Variants in OTUD7A observed in about 807,000 individuals in gnomAD.
The protein encoded by OTUD7A is OTU deubiquitinase 7A, also known as OTU domain-containing protein 7A.
In OTUD7A, 12 loss-of-function variants were observed where a neutral mutation model predicts 65.7. The observed-to-expected ratio is 0.18, with a 90% CI of 0.12 to 0.30. The LOEUF (loss-of-function observed/expected upper bound fraction) is 0.30, where lower values mean the gene tolerates loss of function less well. Among genes scored for constraint, OTUD7A ranks in the 10% least tolerant of loss-of-function variants. The pLI is 1.00. For missense variants in OTUD7A, 1,148 were observed against 1,304.8 expected, an observed-to-expected ratio of 0.88 and a Z score of 1.85; for synonymous variants, 641 against 586.3, an observed-to-expected ratio of 1.09 and a Z score of -1.35.
At chr15:31,560,230 C>A (rs1046526980) in intron 4 of OTUD7A, among the ~76,000 whole-genome samples, 2 of 152,224 alleles carry the variant, frequency 1.3e-5, no homozygotes, top group Non-Finnish European at 2.9e-5. Flanking sequence ...ACTAAAGTTA[C>A]GCTGATAAAT....
chr15:31,733,579 T>C (rs74012584), intron 1 of OTUD7A, among the ~76,000 whole-genome samples: 11,344 of 152,284 alleles, frequency 0.074, 1,017 homozygotes, highest in African/African-American at 0.22. Context: ...ATCCCGAGCA[T>C]GCCCGTGGCT....
rs917694347 is a variant in OTUD7A, at chr15:31,795,456, G to A, written c.-100+75051C>T. ...GAGTGGGTTTCTGAAACTCCAAAGAGGTCTGAGTTGAGAGAGAATTGGAGT... is the reference window on the plus strand; with the variant it reads ...GAGTGGGTTTCTGAAACTCCAAAGAAGTCTGAGTTGAGAGAGAATTGGAGT... On this transcript the variant is annotated intron_variant, in intron 1 of 12. Coordinates refer to ENST00000307050, the MANE Select transcript of OTUD7A (RefSeq NM_001382637.1). Among the ~76,000 whole-genome samples, 5 of 152,320 alleles carry A rather than the reference G, an allele frequency of 3.3e-5. No homozygotes were observed. In the East Asian group the frequency reaches 7.7e-4, roughly 23 times the overall value.
In OTUD7A at chr15:31,479,704, G is replaced by C. The variant is rs1015301557; in HGVS notation, c.*3590C>G. ...GGCCCATGACCCCTCCCCAGAGACA[G>C]GGCGGGCTCTGCATGGAGGATGTCC... On this transcript the variant is annotated 3_prime_UTR_variant, in exon 13 of 13. Transcript: ENST00000307050. The C allele has an allele frequency of 6.6e-6, 1 of 151,158 alleles. No individual in the cohort carries two copies. Among genetic ancestry groups the C allele is most frequent in the Admixed American group, 6.6e-5 (1 of 15,094 alleles). 9.4% of individuals were successfully genotyped at this position (151,158 alleles called of 1,614,324 possible). A position where few individuals can be genotyped will look rare whatever the true frequency, so the allele number is the denominator to read the frequency against.
chr15:31,563,382 C>T (rs1888757790), intron 4 of OTUD7A, among the ~76,000 whole-genome samples: 2 of 152,210 alleles, frequency 1.3e-5, no homozygotes, highest in South Asian at 4.1e-4. Context: ...GGTCTAATGG[C>T]AGAAATGAAA....
intron 1 of OTUD7A, among the ~76,000 whole-genome samples, chr15:31,716,751 C>T (rs1424226224): frequency 6.7e-5 from 10 of 150,116 alleles, no homozygotes; most frequent in African/African-American, 2.4e-4. Flanking sequence ...GGGCTAGGTA[C>T]CTGGACTACA....
chr15:31,550,848 T>C (rs1318008794), intron 5 of OTUD7A, among the ~76,000 whole-genome samples: 1 of 152,170 alleles, frequency 6.6e-6, no homozygotes, highest in African/African-American at 2.4e-5. Context: ...CTGGGAGTGT[T>C]CAGCAGGTGT....
intron 3 of OTUD7A, among the ~76,000 whole-genome samples, chr15:31,611,161 A>G (rs1890408299): frequency 6.6e-6 from 1 of 152,068 alleles, no homozygotes; most frequent in Non-Finnish European, 1.5e-5. Context: ...AGGAGGTGCT[A>G]AGAGGAAACT....
At chr15:31,641,598 G>T (rs1295054351) in intron 3 of OTUD7A, among the ~76,000 whole-genome samples, 1 of 151,856 alleles carries the variant, frequency 6.6e-6, no homozygotes, top group African/African-American at 2.4e-5. Context: ...CTTTATTTAG[G>T]TTTTTCATCT....
intron 8 of OTUD7A, among the ~76,000 whole-genome samples, chr15:31,509,358 A>G (rs1224972602): frequency 6.6e-6 from 1 of 152,074 alleles, no homozygotes; most frequent in East Asian, 1.9e-4. Flanking sequence ...AGCTCACCGC[A>G]AATTCCACCT....
At chr15:31,587,243 T>C (rs1311142661) in intron 3 of OTUD7A, among the ~76,000 whole-genome samples, 1 of 152,170 alleles carries the variant, frequency 6.6e-6, no homozygotes, top group Non-Finnish European at 1.5e-5. Context: ...CTGCATCTCT[T>C]GCTTGGATTA....
chr15:31,540,130 A>T (rs532015955), intron 5 of OTUD7A, among the ~76,000 whole-genome samples: 4 of 152,172 alleles, frequency 2.6e-5, no homozygotes, highest in African/African-American at 7.2e-5. Flanking sequence ...TATAATTTTC[A>T]ATTTTTTTGA....
At chr15:31,659,439 G>A (rs986901573) in intron 1 of OTUD7A, among the ~76,000 whole-genome samples, 4 of 152,198 alleles carry the variant, frequency 2.6e-5, no homozygotes, top group Non-Finnish European at 5.9e-5. Flanking sequence ...AAGGTGAGGC[G>A]AGGAGGCACC....
chr15:31,487,798 T>C lies in OTUD7A; in HGVS notation c.1172-232A>G, dbSNP rs1412002312. ...AGCGTCACCTGGACCCTGGCTCTCT[T>C]TGGGTCTGTCCAATGGCAGATACTC... On this transcript the variant is annotated intron_variant, in intron 10 of 12. Transcript: ENST00000307050. This position sits in a 1 kb window ranked among gnomAD's most constrained non-coding sequence, Gnocchi z 6.0. Among the ~76,000 whole-genome samples the C allele has an allele frequency of 1.3e-5, 2 of 152,166 alleles. No individual in the cohort carries two copies. Among genetic ancestry groups the C allele is most frequent in the Admixed American group, 6.5e-5 (1 of 15,290 alleles).
intron 1 of OTUD7A, among the ~76,000 whole-genome samples, chr15:31,668,611 A>T (rs959466217): frequency 2.0e-5 from 3 of 152,016 alleles, no homozygotes; most frequent in Non-Finnish European, 2.9e-5. Flanking sequence ...TGCCTCCCTG[A>T]TTAGCTTAAT....
At chr15:31,516,281 C>A (rs1258622669) in intron 8 of OTUD7A, among the ~76,000 whole-genome samples, 2 of 152,182 alleles carry the variant, frequency 1.3e-5, no homozygotes, top group Non-Finnish European at 2.9e-5. Context: ...GATAGGATGG[C>A]GGGCCCAGTT....
chr15:31,634,054 A>T (rs1002793688), intron 3 of OTUD7A, among the ~76,000 whole-genome samples: 45 of 152,214 alleles, frequency 3.0e-4, no homozygotes, highest in African/African-American at 1.0e-3. Context: ...TAAATACACC[A>T]GACACAGACA....
intron 3 of OTUD7A, among the ~76,000 whole-genome samples, chr15:31,593,707 G>A (rs565613012): frequency 1.3e-5 from 2 of 152,032 alleles, no homozygotes; most frequent in East Asian, 3.9e-4. Context: ...CCAGCGGGGG[G>A]GACTTTTAGA....
intron 8 of OTUD7A, among the ~76,000 whole-genome samples, chr15:31,507,644 G>A (rs2041601275): frequency 6.6e-6 from 1 of 151,730 alleles, no homozygotes; most frequent in African/African-American, 2.4e-5. Context: ...TGGGGGGCGG[G>A]GGTGGCAAGC....
chr15:31,643,045 T>C (rs1300793898), intron 3 of OTUD7A, among the ~76,000 whole-genome samples: 1 of 152,196 alleles, frequency 6.6e-6, no homozygotes, highest in Non-Finnish European at 1.5e-5. Context: ...ACTGTTTCCT[T>C]GAATCATTTT....
Sources: gnomAD v4.1 joint callset for allele counts (sites outside exome capture counted in the v4.1 genomes callset) on GRCh38, gnomAD v4.1.1 for gene constraint, Gnocchi (gnomAD v3.1) non-coding constraint, MANE v1.5 for transcripts, NCBI Gene and HGNC (gene_info 2026-07-23, HGNC 2026-07-21) for gene names.